The following ADGRA3 variants were observed in gnomAD, a reference collection of about 807,000 sequenced individuals.
ADGRA3 encodes adhesion G protein-coupled receptor A3.
In ADGRA3, 56 loss-of-function variants were observed where a neutral mutation model predicts 119.8. That is an observed-to-expected ratio of 0.47 (90% CI 0.38 to 0.58). The LOEUF (loss-of-function observed/expected upper bound fraction) is 0.58, where lower values mean the gene tolerates loss of function less well. Among genes scored for constraint, ADGRA3 ranks in the 20% least tolerant of loss-of-function variants. The probability of loss-of-function intolerance (pLI) is 0.00; values close to 1 mark genes in which losing one functional copy is unlikely to be tolerated. For missense variants in ADGRA3, 1,516 were observed against 1,649.0 expected (o/e 0.92, Z 1.40); for synonymous variants, 607 against 623.8 (o/e 0.97, Z 0.40).
chr4:22,433,161 C>A (rs562970254), intron 10 of ADGRA3, among the ~76,000 whole-genome samples: 2 of 152,098 alleles, frequency 1.3e-5, no homozygotes, highest in African/African-American at 4.8e-5. Context: ...TCCTGTTTCT[C>A]GTGCTGACAG....
At chr4:22,423,667 C>T (rs1024687562) in intron 11 of ADGRA3, among the ~76,000 whole-genome samples, 1 of 152,052 alleles carries the variant, frequency 6.6e-6, no homozygotes, top group Non-Finnish European at 1.5e-5. Context: ...CTGAAAATGC[C>T]AATAGCTTCA....
chr4:22,489,025 T>C (rs1300718198), intron 1 of ADGRA3, among the ~76,000 whole-genome samples: 1 of 152,212 alleles, frequency 6.6e-6, no homozygotes, highest in African/African-American at 2.4e-5. Context: ...TCCATTTTCA[T>C]GCTGCTGATA....
intron 2 of ADGRA3, among the ~76,000 whole-genome samples, chr4:22,473,408 T>C (rs980956349): frequency 8.5e-5 from 13 of 152,212 alleles, no homozygotes; most frequent in African/African-American, 3.1e-4. Context: ...GTATGGTCCA[T>C]GACCTCTGGT....
chr4:22,485,089 C>CCA (rs1021708401), intron 1 of ADGRA3, among the ~76,000 whole-genome samples: 1 of 149,942 alleles, frequency 6.7e-6, no homozygotes, highest in African/African-American at 2.4e-5. Context: ...CACACCAGCA[C>CCA]TTTTTTTTTT....
chr4:22,419,039 G>T (rs2109031748), intron 12 of ADGRA3, among the ~76,000 whole-genome samples: 1 of 152,306 alleles, frequency 6.6e-6, no homozygotes, highest in South Asian at 2.1e-4. Context: ...TGCAATACAG[G>T]ATGGGAGTCC....
chr4:22,489,854 A>G (rs911992150), intron 1 of ADGRA3, among the ~76,000 whole-genome samples: 2 of 152,230 alleles, frequency 1.3e-5, no homozygotes, highest in Non-Finnish European at 2.9e-5. Context: ...CAAGTCAAAC[A>G]TATCAACAGG....
intron 1 of ADGRA3, among the ~76,000 whole-genome samples, chr4:22,480,286 C>T (rs1252444576): frequency 1.3e-5 from 2 of 152,156 alleles, no homozygotes; most frequent in East Asian, 1.9e-4. Context: ...CAAATTAAAA[C>T]GAGATGTCAC....
intron 1 of ADGRA3, among the ~76,000 whole-genome samples, chr4:22,505,646 C>CCA (rs1262064699): frequency 8.1e-6 from 1 of 122,950 alleles, no homozygotes; most frequent in Non-Finnish European, 1.7e-5. Flanking sequence ...GACTCTGTCT[C>CCA]AAAAAAAAAA....
Position 22,505,167 on chromosome 4 carries a change from G to A in ADGRA3, c.257+10361C>T, listed in dbSNP as rs573864074. Among the ~76,000 whole-genome samples the A allele has an allele frequency of 2.6e-5, 4 of 152,230 alleles. No homozygotes were observed. In the South Asian group the frequency reaches 8.3e-4, roughly 32 times the overall value. On this transcript the variant is annotated intron_variant, in intron 1 of 18. Coordinates refer to ENST00000334304, the MANE Select transcript of ADGRA3 (RefSeq NM_145290.4). Reference sequence around the variant, plus strand: ...CTTGGCTAGAACTGCCATAAATAATGCAGATGACTGTGTGAGTCACTTAGC... The same window carrying A: ...CTTGGCTAGAACTGCCATAAATAATACAGATGACTGTGTGAGTCACTTAGC...
chr4:22,463,481 TCA>T, intron 2 of ADGRA3, among the ~76,000 whole-genome samples: 1 of 152,288 alleles, frequency 6.6e-6, no homozygotes, highest in African/African-American at 2.4e-5. Flanking sequence ...AGGAAAATCC[TCA>T]GTTTGCCTTC....
chr4:22,422,967 G>C (rs1045290887), intron 11 of ADGRA3, among the ~76,000 whole-genome samples: 1 of 152,030 alleles, frequency 6.6e-6, no homozygotes, highest in South Asian at 2.1e-4. Flanking sequence ...AGGCTGAGGC[G>C]GGTGGATAGC....
intron 1 of ADGRA3, among the ~76,000 whole-genome samples, chr4:22,511,235 C>T (rs1577393053): frequency 1.3e-5 from 2 of 152,276 alleles, no homozygotes; most frequent in Middle Eastern, 3.4e-3. Context: ...TCAAAACTTA[C>T]ATTATTGAGC....
Position 22,435,331 on chromosome 4 carries a change from T to C in ADGRA3, c.1423A>G (p.Lys475Glu), listed in dbSNP as rs2109060049. ...EMIEKFGRFTKEEKSKELGDV... is the reference protein window; with the variant it reads ...EMIEKFGRFTEEEKSKELGDV... ...AGTACCTCTTTTGATTTTTCCTCCT[T>C]GGTAAATCTTCCAAATTTTTCAATC... Residue 475 changes from lysine (K) to glutamate (E), a missense_variant, in exon 10 of 19, where the codon AAG becomes GAG. This residue lies in a region of ADGRA3 where 1,088 missense variants were observed against 1,107.1 expected (regional missense o/e 0.98). Coordinates refer to ENST00000334304, the MANE Select transcript of ADGRA3 (RefSeq NM_145290.4). The C allele has an allele frequency of 6.2e-7, 1 of 1,613,286 alleles. No individual in the cohort carries two copies. The highest frequency in any genetic ancestry group is 8.5e-7 in the Non-Finnish European group (1 of 1,179,344).
intron 7 of ADGRA3, among the ~76,000 whole-genome samples, chr4:22,439,844 T>C (rs1444630022): frequency 6.6e-6 from 1 of 152,154 alleles, no homozygotes; most frequent in Non-Finnish European, 1.5e-5. Context: ...AGTAACTTTG[T>C]CATGGTGCCC....
intron 16 of ADGRA3, chr4:22,393,829 G>A (rs1474231965): frequency 6.6e-6 from 1 of 152,102 alleles, no homozygotes; most frequent in East Asian, 1.9e-4. Flanking sequence ...CCACCTCTAG[G>A]GGTTTCGTAG....
At chr4:22,497,506 G>A (rs1287051504) in intron 1 of ADGRA3, among the ~76,000 whole-genome samples, 1 of 152,078 alleles carries the variant, frequency 6.6e-6, no homozygotes, top group African/African-American at 2.4e-5. Context: ...CATGCAAAGG[G>A]GCAACCAGAG....
At chr4:22,481,286 AGGAATGT>A (rs1472629760) in intron 1 of ADGRA3, among the ~76,000 whole-genome samples, 1 of 152,200 alleles carries the variant, frequency 6.6e-6, no homozygotes, top group African/African-American at 2.4e-5. Flanking sequence ...AGCAAAAATC[AGGAATGT>A]TAACTCCTCA....
chr4:22,419,613 C>T (rs1323829654), intron 12 of ADGRA3, among the ~76,000 whole-genome samples: 2 of 152,104 alleles, frequency 1.3e-5, no homozygotes, highest in African/African-American at 4.8e-5. Flanking sequence ...TGTAGGGTTT[C>T]GTCATTTTTA....
In ADGRA3 at chr4:22,499,941, T is replaced by C. The variant is rs193093807; in HGVS notation, c.257+15587A>G. ...AAAGTGTTTCTGATTTCGCCTTTTTTCAGAATTTGGAATATTTGCATTATA... is the reference window on the plus strand; with the variant it reads ...AAAGTGTTTCTGATTTCGCCTTTTTCCAGAATTTGGAATATTTGCATTATA... On this transcript the variant is annotated intron_variant, in intron 1 of 18. Transcript: ENST00000334304. Among the ~76,000 whole-genome samples, 13 of 152,324 alleles carry C rather than the reference T, an allele frequency of 8.5e-5. No individual in the cohort carries two copies. In the East Asian group the frequency reaches 2.3e-3, roughly 27 times the overall value.
Sources: gnomAD v4.1 joint callset for allele counts (sites outside exome capture counted in the v4.1 genomes callset) on GRCh38, gnomAD v4.1.1 for gene constraint, gnomAD v4.1.1 regional missense constraint, MANE v1.5 for transcripts, NCBI Gene and HGNC (gene_info 2026-07-23, HGNC 2026-07-21) for gene names.